The following MLLT10 variants were observed in gnomAD, a reference collection of about 807,000 sequenced individuals.
MLLT10 encodes the protein MLLT10 histone lysine methyltransferase DOT1L cofactor, also known as protein AF-10.
In MLLT10, 30 loss-of-function variants were observed where a neutral mutation model predicts 129.1. The ratio of observed to expected loss-of-function variants is 0.23; its 90% confidence interval spans 0.17 to 0.32. The LOEUF is 0.32. Ranked by LOEUF, MLLT10 falls within the 10% of genes least tolerant of loss-of-function variation. The probability of loss-of-function intolerance (pLI) is 1.00; values close to 1 mark genes in which losing one functional copy is unlikely to be tolerated. For missense variants in MLLT10, 1,119 were observed against 1,268.3 expected, an observed-to-expected ratio of 0.88 and a Z score of 1.79; for synonymous variants, 490 against 446.4, an observed-to-expected ratio of 1.10 and a Z score of -1.23.
chr10:21,658,993 T>C (rs2049896541), intron 9 of MLLT10, among the ~76,000 whole-genome samples: 2 of 152,080 alleles, frequency 1.3e-5, no homozygotes, highest in Admixed American at 6.6e-5. Context: ...ATATTTGTTA[T>C]TTGTTATTTT....
chr10:21,683,814 T>C (rs2053000028), intron 13 of MLLT10, among the ~76,000 whole-genome samples: 2 of 151,696 alleles, frequency 1.3e-5, no homozygotes, highest in South Asian at 2.1e-4. Context: ...TGGCGTGATA[T>C]TGGCTCACTG....
chr10:21,562,818 G>T (rs10828251), intron 3 of MLLT10, among the ~76,000 whole-genome samples: 44,555 of 85,876 alleles, frequency 0.52, 13,329 homozygotes, highest in African/African-American at 0.74. Flanking sequence ...TGTTTTTTTT[G>T]TTTTTTTTTT....
At chr10:21,575,119 T>A (rs190511175) in intron 3 of MLLT10, among the ~76,000 whole-genome samples, 2 of 152,296 alleles carry the variant, frequency 1.3e-5, no homozygotes, top group African/African-American at 4.8e-5. Flanking sequence ...ATTTCTTTTT[T>A]CTACTTACTT....
intron 8 of MLLT10, among the ~76,000 whole-genome samples, chr10:21,642,608 GA>G (rs2048118827): frequency 7.3e-6 from 1 of 137,788 alleles, no homozygotes; most frequent in South Asian, 2.3e-4. Context: ...AGTGAGCCAA[GA>G]TTGAGCCACT....
intron 8 of MLLT10, among the ~76,000 whole-genome samples, chr10:21,638,134 T>C (rs1452617936): frequency 1.3e-5 from 2 of 151,696 alleles, no homozygotes; most frequent in South Asian, 2.1e-4. Context: ...TTTGCACTTA[T>C]GGATGGGTAA....
chr10:21,644,788 A>C (rs2048329356), intron 8 of MLLT10, among the ~76,000 whole-genome samples: 1 of 151,884 alleles, frequency 6.6e-6, no homozygotes. Context: ...GCACCACCAC[A>C]CCCAACTCAT....
At chr10:21,577,761 G>T (rs200533543) in intron 3 of MLLT10, among the ~76,000 whole-genome samples, 3 of 151,954 alleles carry the variant, frequency 2.0e-5, no homozygotes, top group Non-Finnish European at 1.5e-5. Flanking sequence ...GTGAGCCACC[G>T]CACCCAGCCT....
intron 9 of MLLT10, among the ~76,000 whole-genome samples, chr10:21,665,120 ATTC>A (rs1054550436): frequency 6.6e-6 from 1 of 150,378 alleles, no homozygotes; most frequent in Non-Finnish European, 1.5e-5. Context: ...TAATTTTTGT[ATTC>A]TTAGTAGAGA....
chr10:21,555,855 C>T (rs866470029), intron 3 of MLLT10, among the ~76,000 whole-genome samples: 6 of 150,532 alleles, frequency 4.0e-5, no homozygotes, highest in Non-Finnish European at 8.9e-5. Context: ...TTAGTAGGAA[C>T]AGGGTTTCTT....
At chr10:21,557,367 A>G (rs1021060205) in intron 3 of MLLT10, among the ~76,000 whole-genome samples, 7 of 152,228 alleles carry the variant, frequency 4.6e-5, no homozygotes, top group African/African-American at 1.7e-4. Context: ...TTTTAATAAT[A>G]AAGCATCAGG....
At chr10:21,650,823 C>G (rs2048948181) in intron 8 of MLLT10, among the ~76,000 whole-genome samples, 1 of 151,664 alleles carries the variant, frequency 6.6e-6, no homozygotes. Flanking sequence ...TATAGCACAC[C>G]CTAACTTTAT....
intron 3 of MLLT10, among the ~76,000 whole-genome samples, chr10:21,555,303 G>C (rs1160122302): frequency 6.6e-6 from 1 of 152,012 alleles, no homozygotes; most frequent in African/African-American, 2.4e-5. Flanking sequence ...GCTCACTGCA[G>C]TCCCCACCTC....
intron 5 of MLLT10, 149 bp downstream of exon 5, chr10:21,595,589 TA>T: frequency 3.5e-6 from 2 of 576,206 alleles, no homozygotes; most frequent in Admixed American, 3.1e-5. Context: ...ATTAAAATGT[TA>T]TTAATATGTT....
intron 12 of MLLT10, 46 bp downstream of exon 12, chr10:21,681,422 T>C: frequency 7.4e-7 from 1 of 1,351,994 alleles, no homozygotes; most frequent in South Asian, 1.2e-5. Context: ...TTGTCTCCTC[T>C]AGTGCTCTTT....
chr10:21,643,997 C>CT (rs1368704778), intron 8 of MLLT10, among the ~76,000 whole-genome samples: 1 of 152,122 alleles, frequency 6.6e-6, no homozygotes, highest in African/African-American at 2.4e-5. Context: ...TTTAACAATT[C>CT]TTGGCAATGT....
At chr10:21,565,574 T>C (rs2131014681) in intron 3 of MLLT10, among the ~76,000 whole-genome samples, 1 of 151,800 alleles carries the variant, frequency 6.6e-6, no homozygotes, top group East Asian at 1.9e-4. Flanking sequence ...CCCAAAGTGC[T>C]GGGATTACAG....
At chr10:21,573,114 T>C (rs2040384337) in intron 3 of MLLT10, among the ~76,000 whole-genome samples, 1 of 152,214 alleles carries the variant, frequency 6.6e-6, no homozygotes. Flanking sequence ...ATTTTTCTAA[T>C]AGATGATTGT....
intron 3 of MLLT10, chr10:21,541,204 T>C (rs531811000): frequency 6.6e-6 from 1 of 152,192 alleles, no homozygotes; most frequent in South Asian, 2.1e-4. Context: ...TAAAAATGTG[T>C]TGAGTCTCAG....
chr10:21,694,758 C>T (rs1478418536), intron 13 of MLLT10, among the ~76,000 whole-genome samples: 2 of 152,114 alleles, frequency 1.3e-5, no homozygotes, highest in African/African-American at 2.4e-5. Flanking sequence ...AGCTTAAAAC[C>T]ACACACATTC....
Sources: allele counts gnomAD v4.1 joint callset (sites outside exome capture counted in the v4.1 genomes callset), GRCh38; gene constraint gnomAD v4.1.1; transcripts MANE v1.5; gene names NCBI Gene and HGNC (gene_info 2026-07-23, HGNC 2026-07-21).